CSTA: variants seen among roughly 807,000 people sequenced by gnomAD.
CSTA encodes cystatin-A.
In CSTA, 9 loss-of-function variants were observed where a neutral mutation model predicts 9.2. The observed-to-expected ratio is 0.97, with a 90% CI of 0.59 to 1.70. The LOEUF is 1.70. Ranked by LOEUF, CSTA falls within the 40% of genes most tolerant of loss-of-function variation. CSTA has a pLI of 0.00. For synonymous variants in CSTA, 36 were observed against 40.6 expected (o/e 0.89, Z 0.43); for missense variants, 118 against 113.1 (o/e 1.04, Z -0.20).
At position 122,341,641 on chromosome 3, in the gene CSTA, T is replaced by C. The variant is rs2075266594; in HGVS notation, c.*74T>C. ...TGATCCTTGCTGATAAATATAACCA[T>C]CAATAAAGAAGCATTCTTTTCCAAA... On this transcript the variant is annotated 3_prime_UTR_variant, in exon 3 of 3. Transcript: ENST00000264474. 2 of 1,540,146 alleles carry C rather than the reference T, an allele frequency of 1.3e-6. No homozygotes were observed. The highest frequency in any genetic ancestry group is 3.4e-5 in the Admixed American group (2 of 58,280).
At chr3:122,327,100 T>C (rs183353951) in intron 1 of CSTA, among the ~76,000 whole-genome samples, 2 of 151,564 alleles carry the variant, frequency 1.3e-5, no homozygotes, top group African/African-American at 4.8e-5. Context: ...TAGCCGAGCA[T>C]GGTGGTGGGT....
In CSTA at chr3:122,325,258, C is replaced by G. The variant is rs2075164309; in HGVS notation, c.-35C>G. ...CACACTTCCCTGTTCACTTTGGTTC[C>G]AGCATCCTGTCCAGCAAAGAAGCAA... On this transcript the variant is annotated 5_prime_UTR_variant, in exon 1 of 3. Transcript: ENST00000264474. The G allele has an allele frequency of 6.2e-6, 10 of 1,609,430 alleles. No homozygotes were observed. In the East Asian group the frequency reaches 2.2e-4, roughly 36 times the overall value.
intron 1 of CSTA, among the ~76,000 whole-genome samples, chr3:122,333,351 A>C (rs1043450913): frequency 6.6e-6 from 1 of 152,052 alleles, no homozygotes; most frequent in Non-Finnish European, 1.5e-5. Context: ...TCTCTCCAAA[A>C]ATATAAAAAA....
Position 122,341,672 on chromosome 3 carries a change from T to TTGAAGAAATA in CSTA, c.*105_*106insTGAAGAAATA. On this transcript the variant is annotated 3_prime_UTR_variant, in exon 3 of 3. Coordinates refer to ENST00000264474, the MANE Select transcript of CSTA (RefSeq NM_005213.4). ...AAGAAGCATTCTTTTCCAAAGAAAT[T>TTGAAGAAATA]ATTTCTTCAATTATTTCTCATTTAT... The TTGAAGAAATA allele has an allele frequency of 7.4e-7, 1 of 1,356,260 alleles. No individual in the cohort carries two copies. The highest frequency in any genetic ancestry group is 1.0e-6 in the Non-Finnish European group (1 of 960,500). The allele number at this position is 1,356,260 out of a possible 1,614,324, so 84.0% of individuals were successfully genotyped here.
intron 1 of CSTA, among the ~76,000 whole-genome samples, chr3:122,331,104 A>AACACACACAC (rs10575257): frequency 4.3e-4 from 61 of 141,184 alleles, no homozygotes; most frequent in African/African-American, 1.6e-3. Context: ...GCACACAACA[A>AACACACACAC]ACACACACAC....
chr3:122,329,104 T>A (rs897554194), intron 1 of CSTA, among the ~76,000 whole-genome samples: 1 of 149,902 alleles, frequency 6.7e-6, no homozygotes, highest in Non-Finnish European at 1.5e-5. Flanking sequence ...TAGGTGGGAC[T>A]ACAGGCGCCC....
At chr3:122,325,428 C>A in intron 1 of CSTA, 70 bp downstream of exon 1, 2 of 1,461,506 alleles carry the variant, frequency 1.4e-6, no homozygotes, top group Non-Finnish European at 1.9e-6. Flanking sequence ...TGTGGAAAGG[C>A]TGTGGTTGAA....
chr3:122,326,257 C>G (rs2075170222), intron 1 of CSTA, among the ~76,000 whole-genome samples: 1 of 152,182 alleles, frequency 6.6e-6, no homozygotes, highest in African/African-American at 2.4e-5. Flanking sequence ...TCTTGAATTC[C>G]TGGGCTCAAG....
intron 1 of CSTA, among the ~76,000 whole-genome samples, chr3:122,335,445 G>A (rs1299599904): frequency 6.6e-6 from 1 of 152,098 alleles, no homozygotes; most frequent in African/African-American, 2.4e-5. Flanking sequence ...TTCCACAGGG[G>A]TATAGGTCAA....
chr3:122,334,878 A>G (rs143215147), intron 1 of CSTA, among the ~76,000 whole-genome samples: 1 of 152,320 alleles, frequency 6.6e-6, no homozygotes, highest in East Asian at 1.9e-4. Flanking sequence ...GAACGTCACA[A>G]TGGCGCAGGC....
At chr3:122,327,544 A>AAG (rs2075178196) in intron 1 of CSTA, among the ~76,000 whole-genome samples, 1 of 151,564 alleles carries the variant, frequency 6.6e-6, no homozygotes, top group East Asian at 1.9e-4. Flanking sequence ...AAAAAAAAAA[A>AAG]AAAAAAAAGT....
chr3:122,332,406 T>A (rs1281525510), intron 1 of CSTA, among the ~76,000 whole-genome samples: 1 of 152,210 alleles, frequency 6.6e-6, no homozygotes, highest in Admixed American at 6.5e-5. Flanking sequence ...TTCATGTTAC[T>A]ATTCAAACTC....
chr3:122,326,272 C>T (rs2075170299), intron 1 of CSTA, among the ~76,000 whole-genome samples: 1 of 152,228 alleles, frequency 6.6e-6, no homozygotes, highest in Non-Finnish European at 1.5e-5. Context: ...CTCAAGCCAT[C>T]CACTCACCTA....
At chr3:122,331,116 C>CACAT (rs2075202238) in intron 1 of CSTA, among the ~76,000 whole-genome samples, 1 of 151,478 alleles carries the variant, frequency 6.6e-6, no homozygotes, top group African/African-American at 2.4e-5. Context: ...CACACACACA[C>CACAT]ACACACACAC....
chr3:122,336,283 C>T (rs941621149), intron 1 of CSTA, among the ~76,000 whole-genome samples: 3 of 152,108 alleles, frequency 2.0e-5, no homozygotes, highest in African/African-American at 2.4e-5. Context: ...AAACCTGGAA[C>T]ATCTGACTCT....
chr3:122,341,529 G>A lies in CSTA; in HGVS notation c.259G>A (p.Val87Ile). The change falls in exon 3 of 3, where the codon GTT becomes ATT. Residue 87 changes from valine (V) to isoleucine (I), a missense_variant. Transcript: ENST00000264474. ...GGACTTGGTACTTACTGGATACCAG[G>A]TTGACAAAAACAAGGATGACGAGCT... ...NEDLVLTGYQ[V>I]DKNKDDELTG... 6.2e-7 allele frequency: 1 copy of A among 1,614,118 alleles called. No individual in the cohort carries two copies. The highest frequency in any genetic ancestry group is 8.5e-7 in the Non-Finnish European group (1 of 1,180,014).
intron 1 of CSTA, among the ~76,000 whole-genome samples, chr3:122,332,423 C>T (rs2075210103): frequency 1.3e-5 from 2 of 152,214 alleles, no homozygotes; most frequent in African/African-American, 4.8e-5. Context: ...ACTCTCCTTC[C>T]TTACTCTCTA....
chr3:122,338,950 C>G (rs1299272785), intron 2 of CSTA, among the ~76,000 whole-genome samples: 1 of 152,144 alleles, frequency 6.6e-6, no homozygotes, highest in Admixed American at 6.5e-5. Flanking sequence ...CTCTCTCTCT[C>G]TCATCTTTTC....
intron 2 of CSTA, chr3:122,338,230 C>T (rs1427950560): frequency 6.6e-6 from 1 of 152,180 alleles, no homozygotes; most frequent in Non-Finnish European, 1.5e-5. Flanking sequence ...AATTTTATAG[C>T]TCTGTCAAAA....
Sources: allele counts gnomAD v4.1 joint callset (sites outside exome capture counted in the v4.1 genomes callset), GRCh38; gene constraint gnomAD v4.1.1; transcripts MANE v1.5; gene names NCBI Gene and HGNC (gene_info 2026-07-23, HGNC 2026-07-21).